The following ZNF18 variants were observed in gnomAD, a reference collection of about 807,000 sequenced individuals.
The protein encoded by ZNF18 is zinc finger protein 18.
In ZNF18, 42 loss-of-function variants were observed where a neutral mutation model predicts 58.1. The observed-to-expected ratio is 0.72, with a 90% CI of 0.56 to 0.93. The LOEUF is 0.93. ZNF18 is among the 40% of genes least tolerant of loss of function. The pLI is 0.00. For missense variants in ZNF18, 540 were observed against 644.2 expected, an observed-to-expected ratio of 0.84 and a Z score of 1.75; for synonymous variants, 231 against 239.8, an observed-to-expected ratio of 0.96 and a Z score of 0.34.
intron 4 of ZNF18, among the ~76,000 whole-genome samples, 166 bp downstream of exon 4, chr17:11,990,296 G>A (rs1968023316): frequency 6.6e-6 from 1 of 152,012 alleles, no homozygotes. Context: ...AGTACATTTG[G>A]CATGATTCTA....
intron 1 of ZNF18, 67 bp downstream of exon 1, chr17:11,997,364 G>A (rs1438120467): frequency 1.3e-5 from 2 of 152,294 alleles, no homozygotes; most frequent in Non-Finnish European, 2.9e-5. Flanking sequence ...GTCAGGTGCG[G>A]ACGCAGATAG....
chr17:12,013,769 G>C, the ZNF18 span, among the ~76,000 whole-genome samples: 1 of 152,174 alleles, frequency 6.6e-6, no homozygotes, highest in East Asian at 1.9e-4. Flanking sequence ...AATTTCCTAT[G>C]TGTCTAACAA....
the ZNF18 span, among the ~76,000 whole-genome samples, chr17:12,011,524 T>C: frequency 1.3e-5 from 2 of 151,846 alleles, no homozygotes; most frequent in Non-Finnish European, 2.9e-5. Context: ...TAGTTGGGGC[T>C]ACAGGCACCC....
chr17:11,977,912 A>T lies in ZNF18; in HGVS notation c.*45T>A. On this transcript the variant is annotated 3_prime_UTR_variant, in exon 7 of 7. Transcript: ENST00000580306. ...CTTGATGGAGCTGAGTATTTTTGTG[A>T]CTGGGCTGGGAGATAGAAATGGGGA... 3 of 1,521,336 alleles carry T rather than the reference A, an allele frequency of 2.0e-6. No homozygotes were observed. The highest frequency in any genetic ancestry group is 2.6e-6 in the Non-Finnish European group (3 of 1,137,120). 94.2% of individuals were successfully genotyped at this position (1,521,336 alleles called of 1,614,324 possible).
rs779240894 is a variant in ZNF18 at position 11,992,470 on chromosome 17, C to CT, written c.359dup (p.Asp122GlyfsTer38). The CT allele has an allele frequency of 4.3e-6, 7 of 1,614,150 alleles. No individual in the cohort carries two copies. The highest frequency in any genetic ancestry group is 5.9e-6 in the Non-Finnish European group (7 of 1,179,994). Reference sequence around the variant, plus strand: ...ATTGCCACAGTCTCTGGGGGTCCCCCTTCAAGCTTTCCACAAGGGTCACTG... The same window carrying CT: ...ATTGCCACAGTCTCTGGGGGTCCCCCTTTCAAGCTTTCCACAAGGGTCACTG... On this transcript the variant is annotated frameshift_variant, in exon 2 of 7. Coordinates refer to ENST00000580306, the MANE Select transcript of ZNF18 (RefSeq NM_001303281.2). LOFTEE classifies it high-confidence loss of function.
At chr17:11,995,659 G>A (rs548051039) in intron 1 of ZNF18, 1 of 150,976 alleles carries the variant, frequency 6.6e-6, no homozygotes, top group East Asian at 1.9e-4. Flanking sequence ...CTCCAGCCTG[G>A]GCGACAGAGG....
In ZNF18 at chr17:11,992,735, T is replaced by C; in HGVS notation, c.95A>G (p.Glu32Gly). The C allele has an allele frequency of 1.2e-6, 2 of 1,614,242 alleles. No individual in the cohort carries two copies. The highest frequency in any genetic ancestry group is 1.7e-6 in the Non-Finnish European group (2 of 1,180,050). Residue 32 changes from glutamate (E) to glycine (G), a missense_variant, in exon 2 of 7, where the codon GAG (glutamate) becomes GGG (glycine). Transcript: ENST00000580306. The stretch of plus-strand genomic sequence containing the variant: ...TGCGGTCTCAGGGCTGGAGAGTTCC[T>C]CTTGAAGGGCAGCATCTGATTCTGA... ...QFSESDAALQ[E>G]ELSSPETARQ...
the ZNF18 span, among the ~76,000 whole-genome samples, chr17:12,017,287 C>T: frequency 6.6e-6 from 1 of 152,162 alleles, no homozygotes; most frequent in East Asian, 1.9e-4. Context: ...TTCTCACAGG[C>T]CCTGTATTTC....
At chr17:11,993,657 A>T (rs918166110) in intron 1 of ZNF18, 2 of 149,738 alleles carry the variant, frequency 1.3e-5, no homozygotes, top group Non-Finnish European at 3.0e-5. Flanking sequence ...CGTCTCTACT[A>T]AAAAAAAATA....
the ZNF18 span, among the ~76,000 whole-genome samples, chr17:12,014,715 A>T: frequency 6.6e-6 from 1 of 152,190 alleles, no homozygotes; most frequent in East Asian, 1.9e-4. Context: ...AAGTGTCCTA[A>T]ATTTGATCGT....
In ZNF18 at chr17:11,984,200, G is replaced by GA; in HGVS notation, c.667-4_667-3insT. 8 of 1,516,770 alleles carry GA rather than the reference G, an allele frequency of 5.3e-6. No individual in the cohort carries two copies. In the Admixed American group the frequency reaches 1.2e-4, roughly 23 times the overall value. 94.0% of individuals were successfully genotyped at this position (1,516,770 alleles called of 1,614,324 possible). On this transcript the variant is annotated splice_region_variant and splice_polypyrimidine_tract_variant and intron_variant, in intron 4 of 6. Transcript: ENST00000580306. ...GAATCCAGTTGTCTCCACTGTTCCT[G>GA]GAAAAAAAAAAAAAAAAGCAATACA... is the stretch of plus-strand genomic sequence containing the variant.
rs139347732 is a variant in ZNF18, at chr17:11,978,026, T to C, written c.1581A>G (p.Lys527=). Residue 527 remains lysine (K), a synonymous_variant, in exon 7 of 7, where the codon AAA becomes AAG. Transcript: ENST00000580306. ...EKPYKCSHCG[K]SFSWSSSLDK... ...CAAGGCTCGAGCTCCAGCTGAAACTTTTCCCACAGTGCGAACATTTATAAG... is the reference window on the plus strand; with the variant it reads ...CAAGGCTCGAGCTCCAGCTGAAACTCTTCCCACAGTGCGAACATTTATAAG... 9.3e-6 allele frequency: 15 copies of C among 1,608,326 alleles called. No homozygotes were observed. Among genetic ancestry groups the C allele is most frequent in the African/African-American group, 1.3e-5 (1 of 74,484 alleles).
chr17:12,005,751 T>C, the ZNF18 span, among the ~76,000 whole-genome samples: 12 of 152,298 alleles, frequency 7.9e-5, 1 homozygote, highest in South Asian at 2.3e-3. Context: ...ATAAGATACA[T>C]ATTTTAAAAT....
intron 2 of ZNF18, among the ~76,000 whole-genome samples, chr17:11,992,221 G>A (rs1171222646): frequency 6.6e-6 from 1 of 152,176 alleles, no homozygotes; most frequent in Non-Finnish European, 1.5e-5. Context: ...TGGCATCTGA[G>A]AACAGGAGCA....
At chr17:11,999,617 C>T (rs866651212), upstream of ZNF18, among the ~76,000 whole-genome samples, 11 of 152,088 alleles carry the variant, frequency 7.2e-5, no homozygotes, top group Non-Finnish European at 4.4e-5. Flanking sequence ...GATGATGTGC[C>T]CAGCACTCTT....
rs34299203 is a variant in ZNF18, at chr17:11,984,201, GAAAAAAA to G, written c.667-11_667-5del. Reference sequence around the variant, plus strand: ...AATCCAGTTGTCTCCACTGTTCCTGGAAAAAAAAAAAAAAAAGCAATACAATACCATG... The same window carrying G: ...AATCCAGTTGTCTCCACTGTTCCTGGAAAAAAAAAGCAATACAATACCATG... On this transcript the variant is annotated splice_region_variant and splice_polypyrimidine_tract_variant and intron_variant, in intron 4 of 6. Coordinates refer to ENST00000580306, the MANE Select transcript of ZNF18 (RefSeq NM_001303281.2). The G allele has an allele frequency of 2.0e-6, 3 of 1,476,748 alleles. No individual in the cohort carries two copies. The highest frequency in any genetic ancestry group is 2.1e-5 in the Admixed American group (1 of 47,754). 91.5% of individuals were successfully genotyped at this position (1,476,748 alleles called of 1,614,324 possible). A position where few individuals can be genotyped will look rare whatever the true frequency, so the allele number is the denominator to read the frequency against.
At chr17:11,994,673 C>T (rs1257855875) in intron 1 of ZNF18, among the ~76,000 whole-genome samples, 1 of 152,024 alleles carries the variant, frequency 6.6e-6, no homozygotes, top group Non-Finnish European at 1.5e-5. Context: ...AACCCCTTCT[C>T]TACTAAAAAT....
intron 4 of ZNF18, among the ~76,000 whole-genome samples, chr17:11,984,439 C>T (rs1016409387): frequency 6.6e-6 from 1 of 151,980 alleles, no homozygotes; most frequent in Non-Finnish European, 1.5e-5. Flanking sequence ...ACATTCTGCA[C>T]CTCTTCAGGT....
In ZNF18 at chr17:11,978,134, G is replaced by A; in HGVS notation, c.1473C>T (p.Pro491=). ...TTTTCTCACAGATAGGACATTTATA[G>A]GGTTTCTCTCCTGTGTGGATTTTCT... is the stretch of plus-strand genomic sequence containing the variant. ...HHEKIHTGEK[P]YKCPICEKSF... is the part of the protein sequence containing the mutation. Residue 491 remains proline (P), a synonymous_variant, in exon 7 of 7, where the codon CCC becomes CCT. Coordinates refer to ENST00000580306, the MANE Select transcript of ZNF18 (RefSeq NM_001303281.2). 1.2e-6 allele frequency: 2 copies of A among 1,613,900 alleles called. No homozygotes were observed. Among genetic ancestry groups the A allele is most frequent in the Non-Finnish European group, 1.7e-6 (2 of 1,179,946 alleles).
Sources: gnomAD v4.1 joint callset for allele counts (sites outside exome capture counted in the v4.1 genomes callset) on GRCh38, gnomAD v4.1.1 for gene constraint, MANE v1.5 for transcripts, NCBI Gene and HGNC (gene_info 2026-07-23, HGNC 2026-07-21) for gene names.